Variants in CNOT7 observed in about 807,000 individuals in gnomAD.
CNOT7 encodes the protein CCR4-NOT transcription complex subunit 7.
A neutral mutation model predicts 37.1 loss-of-function variants in CNOT7; 4 were observed. The observed-to-expected ratio is 0.11, with a 90% CI of 0.05 to 0.25. The LOEUF (loss-of-function observed/expected upper bound fraction) is 0.25. Ranked by LOEUF, CNOT7 falls within the 10% of genes least tolerant of loss-of-function variation. The pLI, the probability that CNOT7 is intolerant of heterozygous loss-of-function variation, is 1.00. For synonymous variants in CNOT7, 128 were observed against 115.6 expected (o/e 1.11, Z -0.69); for missense variants, 170 against 336.2 (o/e 0.51, Z 3.87).
chr8:17,234,829 G>C lies in CNOT7; in HGVS notation c.505C>G (p.Leu169Val), dbSNP rs759521873. The C allele has an allele frequency of 3.7e-6, 6 of 1,613,880 alleles. No individual in the cohort carries two copies. Among genetic ancestry groups the C allele is most frequent in the South Asian group, 1.1e-5 (1 of 91,070 alleles). Residue 169 changes from leucine (L) to valine (V), a missense_variant, in exon 5 of 7, where the codon CTA becomes GTA. Leu to Val is a conservative substitution (Grantham distance 32). Coordinates refer to ENST00000361272, the MANE Select transcript of CNOT7 (RefSeq NM_013354.7). ...GYDFGYLIKILTNSNLPEEEL... is the reference protein window; with the variant it reads ...GYDFGYLIKIVTNSNLPEEEL... Reference sequence around the variant, plus strand: ...TCTTCAGGCAAGTTAGAGTTGGTTAGGATTTTGATTAAGTAGCCAAAGTCG... The same window carrying C: ...TCTTCAGGCAAGTTAGAGTTGGTTACGATTTTGATTAAGTAGCCAAAGTCG...
chr8:17,237,298 T>C lies in CNOT7; in HGVS notation c.387A>G (p.Glu129=). ...SGIQFKKHEE[E]GIETQYFAEL... is the part of the protein sequence containing the mutation. The stretch of plus-strand genomic sequence containing the variant: ...CTGCAAAGTACTGGGTTTCAATTCC[T>C]TCCTCCTCATGTTTTTTAAACTGGA... The change falls in exon 4 of 7, where the codon GAA becomes GAG. Residue 129 remains glutamate, a synonymous_variant. Transcript: ENST00000361272. The C allele has an allele frequency of 6.2e-7, 1 of 1,614,122 alleles. No individual in the cohort carries two copies. The highest frequency in any genetic ancestry group is 8.5e-7 in the Non-Finnish European group (1 of 1,179,958).
intron 3 of CNOT7, among the ~76,000 whole-genome samples, chr8:17,239,784 C>T (rs185935888): frequency 3.3e-5 from 5 of 152,232 alleles, no homozygotes; most frequent in African/African-American, 7.2e-5. Flanking sequence ...TGAGCCACCA[C>T]GCCCAGCCTA....
Position 17,229,072 on chromosome 8 carries a change from G to C in CNOT7, c.*1648C>G, listed in dbSNP as rs1808339280. ...AAAGAACAAGAATAAGCCAACACTT[G>C]AAATGCAGAAAACTCAGACTGATTT... On this transcript the variant is annotated 3_prime_UTR_variant, in exon 7 of 7. Transcript: ENST00000361272. 2 of 151,992 alleles carry C rather than the reference G, an allele frequency of 1.3e-5. No homozygotes were observed. Among genetic ancestry groups the C allele is most frequent in the South Asian group, 2.1e-4 (1 of 4,832 alleles). 9.4% of individuals were successfully genotyped at this position (151,992 alleles called of 1,614,324 possible).
intron 3 of CNOT7, chr8:17,242,187 G>A (rs1256655152): frequency 6.6e-6 from 1 of 152,172 alleles, no homozygotes; most frequent in Admixed American, 6.5e-5. Flanking sequence ...CTCAGGTAGT[G>A]GCCCGGGTCA....
chr8:17,232,462 A>G lies in CNOT7; in HGVS notation c.694T>C (p.Leu232=), dbSNP rs540765184. The G allele has an allele frequency of 2.7e-5, 44 of 1,614,114 alleles. No individual in the cohort carries two copies. In the East Asian group the frequency reaches 7.6e-4, roughly 28 times the overall value. Residue 232 remains leucine (L), a synonymous_variant, in exon 6 of 7, where the codon TTG becomes CTG. Transcript: ENST00000361272. ...GPQHQAGSDS[L]LTGMAFFKMR... is the part of the protein sequence containing the mutation. The stretch of plus-strand genomic sequence containing the variant: ...TTGAAAAAGGCCATTCCTGTGAGCA[A>G]TGAATCAGATCCTGCCTGATGTTGT...
At position 17,229,663 on chromosome 8, in the gene CNOT7, G is replaced by A. The variant is rs1210342693; in HGVS notation, c.*1057C>T. 1 of 151,268 alleles carries A rather than the reference G, an allele frequency of 6.6e-6. No homozygotes were observed. The highest frequency in any genetic ancestry group is 2.4e-5 in the African/African-American group (1 of 41,222). The allele number at this position is 151,268 out of a possible 1,614,324, so 9.4% of individuals were successfully genotyped here. A position where few individuals can be genotyped will look rare whatever the true frequency, so the allele number is the denominator to read the frequency against. On this transcript the variant is annotated 3_prime_UTR_variant, in exon 7 of 7. Transcript: ENST00000361272. ...ATATATGAGAATATATATATATTTT[G>A]TTGTTTTGTACCAAATCTCTCCATT...
intron 3 of CNOT7, chr8:17,242,540 C>T (rs1265051293): frequency 1.3e-5 from 2 of 153,348 alleles, no homozygotes; most frequent in African/African-American, 2.4e-5. Flanking sequence ...AATGATAATA[C>T]TGACTTGAAA....
intron 6 of CNOT7, chr8:17,231,673 T>C: frequency 1.0e-6 from 1 of 985,438 alleles, no homozygotes; most frequent in Non-Finnish European, 1.2e-6. Context: ...TCACTTGTTT[T>C]TTGCACAACC....
chr8:17,227,464 G>A lies in CNOT7; in HGVS notation c.*3256C>T, dbSNP rs2150961902. On this transcript the variant is annotated 3_prime_UTR_variant, in exon 7 of 7. Transcript: ENST00000361272. ...AAACTACTGTTCTCATCAAAGGGCT[G>A]ATGTCTTAATTTTCTCTGGACACAT... 6.6e-6 allele frequency: 1 copy of A among 151,938 alleles called. No homozygotes were observed. Among genetic ancestry groups the A allele is most frequent in the South Asian group, 2.1e-4 (1 of 4,830 alleles). The allele number at this position is 151,938 out of a possible 1,614,324, so 9.4% of individuals were successfully genotyped here.
chr8:17,231,048 G>GA (rs1392991987), intron 6 of CNOT7, among the ~76,000 whole-genome samples, 200 bp from the exon 7 acceptor site: 2 of 151,898 alleles, frequency 1.3e-5, no homozygotes, highest in Non-Finnish European at 2.9e-5. Context: ...AGAAACCAAA[G>GA]AAAGAGACTA....
chr8:17,244,514 C>G (rs1810625980), intron 2 of CNOT7: 1 of 152,296 alleles, frequency 6.6e-6, no homozygotes, highest in South Asian at 2.1e-4. Flanking sequence ...AAAGTTCAAC[C>G]TCAAATAAGG....
rs914432671 is a variant in CNOT7, at chr8:17,232,212, G to C, written c.729+215C>G. Reference sequence around the variant, plus strand: ...GGTAGTTTATGTTTTAAAATTGTTGGTTCTATGATGAACATGTTCTCCCAG... The same window carrying C: ...GGTAGTTTATGTTTTAAAATTGTTGCTTCTATGATGAACATGTTCTCCCAG... On this transcript the variant is annotated intron_variant, in intron 6 of 6. Coordinates refer to ENST00000361272, the MANE Select transcript of CNOT7 (RefSeq NM_013354.7). 10 of 1,380,464 alleles carry C rather than the reference G, an allele frequency of 7.2e-6. No homozygotes were observed. In the African/African-American group the frequency reaches 1.5e-4, roughly 20 times the overall value. The allele number at this position is 1,380,464 out of a possible 1,614,324, so 85.5% of individuals were successfully genotyped here.
chr8:17,236,468 C>T (rs941467298), intron 4 of CNOT7, among the ~76,000 whole-genome samples: 1 of 152,158 alleles, frequency 6.6e-6, no homozygotes, highest in African/African-American at 2.4e-5. Flanking sequence ...TTACCAGAAA[C>T]ACTCTTAAAT....
rs954490978 is a variant in CNOT7 at position 17,228,351 on chromosome 8, G to C, written c.*2369C>G. The C allele has an allele frequency of 3.3e-5, 5 of 151,648 alleles. No homozygotes were observed. The highest frequency in any genetic ancestry group is 2.0e-4 in the Admixed American group (3 of 15,204). 9.4% of individuals were successfully genotyped at this position (151,648 alleles called of 1,614,324 possible). ...ACTTTACAAACATTGAGACTGTCTG[G>C]AACAAAATAAAAAAGTAAAACTTAG... On this transcript the variant is annotated 3_prime_UTR_variant, in exon 7 of 7. Transcript: ENST00000361272.
intron 3 of CNOT7, among the ~76,000 whole-genome samples, chr8:17,238,841 A>G (rs1337641391): frequency 1.3e-5 from 2 of 152,110 alleles, no homozygotes; most frequent in East Asian, 3.9e-4. Flanking sequence ...CTTTACATCT[A>G]CGTATGTGAA....
chr8:17,237,933 C>G (rs1189203986), intron 3 of CNOT7, among the ~76,000 whole-genome samples: 2 of 152,218 alleles, frequency 1.3e-5, no homozygotes, highest in Admixed American at 6.5e-5. Context: ...CTCCAATAAG[C>G]AACACTGTAT....
chr8:17,242,763 A>G lies in CNOT7; in HGVS notation c.311+229T>C, dbSNP rs183515429. On this transcript the variant is annotated intron_variant, in intron 3 of 6. Coordinates refer to ENST00000361272, the MANE Select transcript of CNOT7 (RefSeq NM_013354.7). ...ACTTTCAATACCCAGTCTTCCAAATACAAAAAAAGCTGCAGTCATATTTTA... is the reference window on the plus strand; with the variant it reads ...ACTTTCAATACCCAGTCTTCCAAATGCAAAAAAAGCTGCAGTCATATTTTA... The G allele has an allele frequency of 4.9e-5, 17 of 348,296 alleles. 1 individual carries two copies. The highest frequency in any genetic ancestry group is 7.0e-4 in the Middle Eastern group (1 of 1,422). The allele number at this position is 348,296 out of a possible 1,614,324, so 21.6% of individuals were successfully genotyped here.
Position 17,245,106 on chromosome 8 carries a change from C to A in CNOT7, c.47G>T (p.Trp16Leu). 2 of 1,613,652 alleles carry A rather than the reference C, an allele frequency of 1.2e-6. No individual in the cohort carries two copies. The highest frequency in any genetic ancestry group is 1.1e-5 in the South Asian group (1 of 91,054). ...VDHSQRICEV[W>L]ACNLDEEMKK... is the part of the protein sequence containing the mutation. Reference sequence around the variant, plus strand: ...CATCTCTTCATCCAAGTTGCAAGCCCAAACTTCACAAATTCTTTGGCTATG... The same window carrying A: ...CATCTCTTCATCCAAGTTGCAAGCCAAAACTTCACAAATTCTTTGGCTATG... The change falls in exon 2 of 7, where the codon TGG becomes TTG. Residue 16 changes from tryptophan (W) to leucine (L), a missense_variant. This residue lies in a region of CNOT7 where 38 missense variants were observed against 36.9 expected (regional missense o/e 1.03). Coordinates refer to ENST00000361272, the MANE Select transcript of CNOT7 (RefSeq NM_013354.7).
intron 3 of CNOT7, among the ~76,000 whole-genome samples, chr8:17,239,715 G>T (rs1360242798): frequency 1.3e-5 from 2 of 151,788 alleles, no homozygotes; most frequent in African/African-American, 2.4e-5. Context: ...GGATGTTCTC[G>T]ATCTCCTGAC....
Sources: allele counts gnomAD v4.1 joint callset (sites outside exome capture counted in the v4.1 genomes callset), GRCh38; gene constraint gnomAD v4.1.1; regional missense constraint gnomAD v4.1.1; transcripts MANE v1.5; gene names NCBI Gene and HGNC (gene_info 2026-07-23, HGNC 2026-07-21).